MTREX: variants seen among roughly 807,000 people sequenced by gnomAD.
The protein encoded by MTREX is exosome RNA helicase MTR4.
A neutral mutation model predicts 135.4 loss-of-function variants in MTREX; 76 were observed. That is an observed-to-expected ratio of 0.56 (90% CI 0.47 to 0.68). The LOEUF is 0.68. Ranked by LOEUF, MTREX falls within the 30% of genes least tolerant of loss-of-function variation. The probability of loss-of-function intolerance (pLI) is 0.00; values close to 1 mark genes in which losing one functional copy is unlikely to be tolerated. For missense variants in MTREX, 920 were observed against 1,262.1 expected, an observed-to-expected ratio of 0.73 and a Z score of 4.11; for synonymous variants, 404 against 401.6, an observed-to-expected ratio of 1.01 and a Z score of -0.07.
intron 1 of MTREX, among the ~76,000 whole-genome samples, chr5:55,321,080 A>G (rs997248898): frequency 6.6e-6 from 1 of 152,194 alleles, no homozygotes; most frequent in Non-Finnish European, 1.5e-5. Flanking sequence ...AATGTTACTC[A>G]TGTTAATATG....
At chr5:55,315,393 A>G (rs1301337581) in intron 1 of MTREX, among the ~76,000 whole-genome samples, 1 of 152,164 alleles carries the variant, frequency 6.6e-6, no homozygotes, top group Non-Finnish European at 1.5e-5. Context: ...GTTTTCTTCA[A>G]ATCCTTGTAT....
At chr5:55,308,317 AG>A (rs1425000460) in intron 1 of MTREX, among the ~76,000 whole-genome samples, 170 bp downstream of exon 1, 1 of 151,820 alleles carries the variant, frequency 6.6e-6, no homozygotes, top group Non-Finnish European at 1.5e-5. Context: ...GGTTCGTGGA[AG>A]GGGGGTCTTG....
intron 1 of MTREX, among the ~76,000 whole-genome samples, chr5:55,317,624 TC>T (rs1749220445): frequency 1.3e-5 from 2 of 151,926 alleles, no homozygotes; most frequent in Non-Finnish European, 2.9e-5. Context: ...TGTAGAAAAA[TC>T]AACTCAAGGT....
chr5:55,394,182 T>C (rs1387295639), intron 19 of MTREX, among the ~76,000 whole-genome samples: 3 of 152,240 alleles, frequency 2.0e-5, no homozygotes, highest in African/African-American at 7.2e-5. Context: ...TAAAGCCAAG[T>C]GAATTATTTT....
chr5:55,400,098 T>A (rs993063099), intron 20 of MTREX, 135 bp from the exon 21 acceptor site: 1 of 570,854 alleles, frequency 1.8e-6, no homozygotes. Context: ...ATAATTTAAA[T>A]TGGCAAAAGA....
intron 15 of MTREX, 152 bp from the exon 16 acceptor site, chr5:55,366,573 T>C: frequency 1.9e-6 from 1 of 539,262 alleles, no homozygotes; most frequent in African/African-American, 2.0e-5. Context: ...AGACCTGTGG[T>C]TTTATTTTAT....
At chr5:55,366,416 A>G (rs1277653901) in intron 15 of MTREX, among the ~76,000 whole-genome samples, 1 of 152,156 alleles carries the variant, frequency 6.6e-6, no homozygotes, top group Non-Finnish European at 1.5e-5. Context: ...CTCGAGCCCA[A>G]GATTTCAAGG....
At chr5:55,399,223 T>G (rs1307058879) in intron 20 of MTREX, among the ~76,000 whole-genome samples, 1 of 152,206 alleles carries the variant, frequency 6.6e-6, no homozygotes, top group East Asian at 1.9e-4. Context: ...GAGCTTGCCT[T>G]ATTTGCTCAT....
At chr5:55,337,492 G>C (rs1749572053) in intron 5 of MTREX, among the ~76,000 whole-genome samples, 1 of 151,900 alleles carries the variant, frequency 6.6e-6, no homozygotes. Context: ...TAATGTAAGT[G>C]TTTATATAAA....
intron 18 of MTREX, among the ~76,000 whole-genome samples, chr5:55,381,289 A>G (rs182099936): frequency 1.8e-4 from 28 of 152,026 alleles, no homozygotes; most frequent in African/African-American, 5.5e-4. Context: ...TCTTCTGGCT[A>G]CAGGTTCAGT....
chr5:55,352,047 T>G (rs1435360576), intron 13 of MTREX, among the ~76,000 whole-genome samples: 2 of 151,310 alleles, frequency 1.3e-5, no homozygotes, highest in Admixed American at 6.6e-5. Context: ...TTTTGTTTTG[T>G]TTTTGTTTTT....
chr5:55,380,294 G>T (rs145901736), intron 18 of MTREX, among the ~76,000 whole-genome samples: 4 of 151,930 alleles, frequency 2.6e-5, no homozygotes, highest in Non-Finnish European at 5.9e-5. Flanking sequence ...CAATTTTCCC[G>T]GTTAGGGTGT....
chr5:55,402,852 A>ATGTGTGTG (rs767239762), intron 21 of MTREX, among the ~76,000 whole-genome samples: 132 of 114,508 alleles, frequency 1.2e-3, no homozygotes, highest in African/African-American at 3.0e-3. Context: ...ATGTGTATGT[A>ATGTGTGTG]TGTGTGTGTG....
intron 1 of MTREX, among the ~76,000 whole-genome samples, chr5:55,319,102 G>C (rs1406215253): frequency 6.6e-6 from 1 of 152,078 alleles, no homozygotes; most frequent in African/African-American, 2.4e-5. Flanking sequence ...GAACTGTTTA[G>C]AGTAAGTTGC....
intron 18 of MTREX, among the ~76,000 whole-genome samples, chr5:55,381,964 A>G (rs887093137): frequency 1.3e-5 from 2 of 152,050 alleles, no homozygotes; most frequent in African/African-American, 4.8e-5. Flanking sequence ...CAGCATAGCT[A>G]TTTGAGCTTT....
intron 15 of MTREX, among the ~76,000 whole-genome samples, chr5:55,361,834 C>T (rs1750015900): frequency 6.6e-6 from 1 of 151,830 alleles, no homozygotes; most frequent in Non-Finnish European, 1.5e-5. Flanking sequence ...CTCAAGGGAT[C>T]CTCCTGTCGC....
rs1750830678 is a variant in MTREX, at chr5:55,407,858, A to C, written c.2645+2270A>C. On this transcript the variant is annotated intron_variant, in intron 22 of 26. Coordinates refer to ENST00000230640, the MANE Select transcript of MTREX (RefSeq NM_015360.5). ...AGCCTCAACTTGCCAGGCTCAAGTG[A>C]TCTTCCTGCCTCAGTCTCCCAAGAA... Among the ~76,000 whole-genome samples the C allele has an allele frequency of 3.9e-5, 6 of 152,216 alleles. 1 individual carries two copies. In the South Asian group the frequency reaches 1.2e-3, roughly 32 times the overall value.
chr5:55,420,610 C>A (rs1751039833), intron 25 of MTREX, among the ~76,000 whole-genome samples: 3 of 152,134 alleles, frequency 2.0e-5, no homozygotes, highest in Admixed American at 2.0e-4. Context: ...AAGGCAGACA[C>A]AAAGGCCACA....
intron 1 of MTREX, among the ~76,000 whole-genome samples, chr5:55,310,638 C>G (rs1749097373): frequency 6.6e-6 from 1 of 152,048 alleles, no homozygotes; most frequent in African/African-American, 2.4e-5. Flanking sequence ...TCCTATTTGC[C>G]TGATTGCAGT....
Sources: gnomAD v4.1 joint callset for allele counts (sites outside exome capture counted in the v4.1 genomes callset) on GRCh38, gnomAD v4.1.1 for gene constraint, MANE v1.5 for transcripts, NCBI Gene and HGNC (gene_info 2026-07-23, HGNC 2026-07-21) for gene names.